Variants in MTMR1 observed in about 807,000 individuals in gnomAD.
MTMR1 encodes the protein myotubularin related protein 1.
Under a neutral mutation model 51.6 loss-of-function variants are expected in MTMR1, and 17 were observed. The ratio of observed to expected loss-of-function variants is 0.33; its 90% confidence interval spans 0.23 to 0.49. The LOEUF (loss-of-function observed/expected upper bound fraction) is 0.49, where lower values mean the gene tolerates loss of function less well. MTMR1 is among the 20% of genes least tolerant of loss of function. MTMR1 has a pLI of 0.99. For synonymous variants in MTMR1, 201 were observed against 205.6 expected, an observed-to-expected ratio of 0.98 and a Z score of 0.19; for missense variants, 386 against 526.9, an observed-to-expected ratio of 0.73 and a Z score of 2.62.
At position 150,693,490 on chromosome X, in the gene MTMR1, C is replaced by T. The variant is rs2040547276; in HGVS notation, c.-41C>T. ...AAACCTTCCCGGCCGCCGCTCCCGT[C>T]CCGACGGCGGCTTCCCCAAGGCGGC... On this transcript the variant is annotated 5_prime_UTR_variant, in exon 1 of 16. Coordinates refer to ENST00000445323, the MANE Select transcript of MTMR1 (RefSeq NM_001306144.3). 2 of 761,256 alleles carry T rather than the reference C, an allele frequency of 2.6e-6. No homozygotes were observed. The highest frequency in any genetic ancestry group is 3.1e-6 in the Non-Finnish European group (2 of 644,707). 62.7% of individuals were successfully genotyped at this position (761,256 alleles called of 1,213,427 possible). A position where few individuals can be genotyped will look rare whatever the true frequency, so the allele number is the denominator to read the frequency against.
chrX:150,735,465 T>C (rs1459690029), intron 10 of MTMR1: 1 of 502,069 alleles, frequency 2.0e-6, no homozygotes, highest in African/African-American at 2.3e-5. Flanking sequence ...TTTGTCTAGC[T>C]TTGGTATCAG....
chrX:150,715,631 C>CT (rs2041483728), intron 3 of MTMR1, among the ~76,000 whole-genome samples: 1 of 112,317 alleles, frequency 8.9e-6, no homozygotes, highest in Non-Finnish European at 1.9e-5. Context: ...CTACTATACT[C>CT]ACCAAAGCAA....
chrX:150,713,896 C>T (rs1320353799), intron 3 of MTMR1, among the ~76,000 whole-genome samples: 1 of 93,819 alleles, frequency 1.1e-5, no homozygotes, highest in Non-Finnish European at 2.1e-5. Context: ...AAGAAACAGA[C>T]ATGTATATAT....
intron 12 of MTMR1, among the ~76,000 whole-genome samples, chrX:150,739,583 C>G (rs1331441768): frequency 2.7e-5 from 3 of 112,152 alleles, no homozygotes; most frequent in African/African-American, 9.7e-5. Context: ...CCAGCGATGG[C>G]AGCATGTACT....
At position 150,754,129 on chromosome X, in the gene MTMR1, C is replaced by T. The variant is rs782059470; in HGVS notation, c.1681-1560C>T. On this transcript the variant is annotated intron_variant, in intron 14 of 15. Transcript: ENST00000445323. ...CCAACCTTGTTGAAGATCAGTTGAC[C>T]GTAAATGTCAGAGAGTTCATTTCTG... Among the ~76,000 whole-genome samples, 12 of 112,831 alleles carry T rather than the reference C, an allele frequency of 1.1e-4. No homozygotes were observed. In the South Asian group the frequency reaches 2.9e-3, roughly 27 times the overall value.
chrX:150,743,289 C>T (rs2042486058), intron 12 of MTMR1, among the ~76,000 whole-genome samples: 1 of 110,734 alleles, frequency 9.0e-6, no homozygotes, highest in Non-Finnish European at 1.9e-5. Context: ...TAGTCCCAGC[C>T]ACTCTGGAGT....
intron 2 of MTMR1, among the ~76,000 whole-genome samples, chrX:150,708,364 T>G (rs782374983): frequency 4.3e-4 from 48 of 111,600 alleles, no homozygotes; most frequent in African/African-American, 1.4e-3. Context: ...TGTAAAAATT[T>G]GTATCATTGT....
chrX:150,715,277 C>T (rs781911909), intron 3 of MTMR1, among the ~76,000 whole-genome samples: 17 of 111,786 alleles, frequency 1.5e-4, no homozygotes, highest in Non-Finnish European at 2.4e-4. Context: ...AGAAAAGTAG[C>T]GGAGAGGCCA....
chrX:150,693,208 T>C (rs1418960744), upstream of MTMR1: 1 of 112,998 alleles, frequency 8.8e-6, no homozygotes, highest in Non-Finnish European at 1.9e-5. Flanking sequence ...AGTGGCTCTG[T>C]ACGCACCCAG....
At chrX:150,762,033 C>CG (rs1428860088) in intron 15 of MTMR1, among the ~76,000 whole-genome samples, 4 of 112,552 alleles carry the variant, frequency 3.6e-5, no homozygotes, top group Non-Finnish European at 7.5e-5. Flanking sequence ...CTGCCCGCTC[C>CG]GGGGGGCTTC....
At chrX:150,742,345 G>A (rs781919775) in intron 12 of MTMR1, among the ~76,000 whole-genome samples, 42 of 111,674 alleles carry the variant, frequency 3.8e-4, no homozygotes, top group Admixed American at 2.4e-3. Flanking sequence ...CGTAGAAAAG[G>A]TACAGTAAAA....
At chrX:150,700,295 T>G (rs1360015479) in intron 2 of MTMR1, among the ~76,000 whole-genome samples, 1 of 111,821 alleles carries the variant, frequency 8.9e-6, no homozygotes. Context: ...CAGTTCCTCT[T>G]TAGAGCTCAT....
intron 15 of MTMR1, among the ~76,000 whole-genome samples, chrX:150,757,935 C>T (rs1213186611): frequency 3.6e-5 from 4 of 110,892 alleles, no homozygotes; most frequent in African/African-American, 6.6e-5. Context: ...GTAGAATTCC[C>T]CAAGACACTC....
At chrX:150,722,545 T>G (rs1317661629) in intron 4 of MTMR1, among the ~76,000 whole-genome samples, 3 of 111,771 alleles carry the variant, frequency 2.7e-5, no homozygotes, top group African/African-American at 6.5e-5. Context: ...ACATTATAGC[T>G]TTTAAAAAAT....
chrX:150,737,524 G>A (rs1332592433), intron 12 of MTMR1, 76 bp downstream of exon 12: 23 of 874,686 alleles, frequency 2.6e-5, no homozygotes, highest in Non-Finnish European at 3.3e-5. Flanking sequence ...TGTGACACAC[G>A]TAAGCGCATA....
At chrX:150,738,709 T>A (rs1557417245) in intron 12 of MTMR1, among the ~76,000 whole-genome samples, 1 of 111,587 alleles carries the variant, frequency 9.0e-6, no homozygotes, top group African/African-American at 3.3e-5. Flanking sequence ...CCAGTGAGAT[T>A]GGCTTAGGGC....
intron 12 of MTMR1, 83 bp downstream of exon 12, chrX:150,737,531 C>CAT: frequency 6.5e-6 from 5 of 771,959 alleles, no homozygotes; most frequent in Non-Finnish European, 7.8e-6. Flanking sequence ...CACGTAAGCG[C>CAT]ATATATACAC....
At chrX:150,696,313 G>C (rs2040674769) in intron 1 of MTMR1, among the ~76,000 whole-genome samples, 1 of 111,671 alleles carries the variant, frequency 9.0e-6, no homozygotes, top group African/African-American at 3.3e-5. Context: ...ACTTTTCTTT[G>C]AAGAGTGACC....
intron 13 of MTMR1, 54 bp from the exon 14 acceptor site, chrX:150,750,676 T>C: frequency 3.8e-6 from 3 of 784,115 alleles, no homozygotes; most frequent in Non-Finnish European, 5.6e-6. Context: ...AAAAGTAATA[T>C]TACTTTTAGA....
Sources: gnomAD v4.1 joint callset for allele counts (sites outside exome capture counted in the v4.1 genomes callset) on GRCh38, gnomAD v4.1.1 for gene constraint, MANE v1.5 for transcripts, NCBI Gene and HGNC (gene_info 2026-07-23, HGNC 2026-07-21) for gene names.